OXR1: variants seen among roughly 807,000 people sequenced by gnomAD.
OXR1 encodes the protein oxidation resistance 1, also known as oxidation resistance protein 1.
OXR1 carries 41 observed loss-of-function variants against 104.6 expected under a neutral mutation model. That is an observed-to-expected ratio of 0.39 (90% confidence interval 0.31 to 0.51). The LOEUF is 0.51. OXR1 is among the 20% of genes least tolerant of loss of function. The probability of loss-of-function intolerance (pLI) is 0.77; values close to 1 mark genes in which losing one functional copy is unlikely to be tolerated. For synonymous variants in OXR1, 348 were observed against 348.4 expected, an observed-to-expected ratio of 1.00 and a Z score of 0.01; for missense variants, 955 against 1,031.9, an observed-to-expected ratio of 0.93 and a Z score of 1.02.
intron 1 of OXR1, among the ~76,000 whole-genome samples, chr8:106,310,264 C>A (rs1481486093): frequency 1.4e-5 from 2 of 145,538 alleles, no homozygotes; most frequent in African/African-American, 5.0e-5. Flanking sequence ...TTCCTAAGCT[C>A]TCTATCAGAA....
chr8:106,442,363 G>A (rs1320880828), intron 2 of OXR1, among the ~76,000 whole-genome samples: 1 of 152,136 alleles, frequency 6.6e-6, no homozygotes, highest in Non-Finnish European at 1.5e-5. Context: ...CAGGGATAAT[G>A]GCCTGAAGTT....
intron 2 of OXR1, among the ~76,000 whole-genome samples, chr8:106,453,945 A>G (rs974044350): frequency 6.6e-6 from 1 of 152,248 alleles, no homozygotes; most frequent in African/African-American, 2.4e-5. Flanking sequence ...AAACTAAGGC[A>G]CAAAGCATTC....
intron 2 of OXR1, among the ~76,000 whole-genome samples, chr8:106,475,330 A>G (rs1206169643): frequency 6.6e-6 from 1 of 152,012 alleles, no homozygotes; most frequent in Non-Finnish European, 1.5e-5. Context: ...TATCTAAAAA[A>G]GAGAAAATAT....
At chr8:106,638,195 C>A (rs1227806106) in intron 3 of OXR1, among the ~76,000 whole-genome samples, 1 of 152,180 alleles carries the variant, frequency 6.6e-6, no homozygotes, top group African/African-American at 2.4e-5. Flanking sequence ...TTCTTTCTAA[C>A]ATTTTCTTTT....
intron 1 of OXR1, among the ~76,000 whole-genome samples, chr8:106,302,618 TATGACC>T (rs1316682844): frequency 1.3e-5 from 2 of 151,518 alleles, no homozygotes; most frequent in African/African-American, 4.9e-5. Context: ...GTTTAGACAT[TATGACC>T]TAGGTATAAT....
intron 2 of OXR1, among the ~76,000 whole-genome samples, chr8:106,418,831 A>G (rs1221987183): frequency 6.6e-6 from 1 of 152,146 alleles, no homozygotes; most frequent in Non-Finnish European, 1.5e-5. Context: ...TGACTATAAG[A>G]AAAGTCACCA....
At position 106,439,905 on chromosome 8, in the gene OXR1, G is replaced by A. The variant is rs191727549; in HGVS notation, c.24-79038G>A. Among the ~76,000 whole-genome samples, 114 of 152,224 alleles carry A rather than the reference G, an allele frequency of 7.5e-4. 1 individual carries two copies. The highest frequency in any genetic ancestry group is 3.4e-3 in the Middle Eastern group (1 of 294). ...TAGGTTCTGCATTTAAAGCTCTTAT[G>A]TGAATAAAATCCTTGAGAATTTGTG... On this transcript the variant is annotated intron_variant, in intron 2 of 16. Coordinates refer to ENST00000517566, the MANE Select transcript of OXR1 (RefSeq NM_001198533.2).
At chr8:106,379,254 T>A (rs1817032647) in intron 2 of OXR1, among the ~76,000 whole-genome samples, 1 of 152,190 alleles carries the variant, frequency 6.6e-6, no homozygotes, top group Non-Finnish European at 1.5e-5. Context: ...TAAGAGCAGA[T>A]GGTATAAAAT....
At chr8:106,502,342 A>T (rs1042505510) in intron 2 of OXR1, among the ~76,000 whole-genome samples, 3 of 152,336 alleles carry the variant, frequency 2.0e-5, no homozygotes, top group African/African-American at 7.2e-5. Context: ...CACTCTATGA[A>T]AATCTGTTCG....
At chr8:106,658,162 C>A in intron 3 of OXR1, 1 of 1,244,304 alleles carries the variant, frequency 8.0e-7, no homozygotes, top group Non-Finnish European at 1.0e-6. Context: ...CGGCCCCCGG[C>A]GCCGTCCAGC....
At chr8:106,313,298 A>C (rs1041761996) in intron 1 of OXR1, among the ~76,000 whole-genome samples, 1 of 152,196 alleles carries the variant, frequency 6.6e-6, no homozygotes, top group Non-Finnish European at 1.5e-5. Flanking sequence ...GATTTTAAAA[A>C]TTCTCTAAAT....
intron 2 of OXR1, among the ~76,000 whole-genome samples, chr8:106,436,775 T>G (rs1297381046): frequency 6.6e-6 from 1 of 152,070 alleles, no homozygotes; most frequent in African/African-American, 2.4e-5. Flanking sequence ...CAGGCTCACA[T>G]CCTCTCTGGT....
chr8:106,469,053 A>G lies in OXR1; in HGVS notation c.24-49890A>G, dbSNP rs150329316. On this transcript the variant is annotated intron_variant, in intron 2 of 16. Transcript: ENST00000517566. Reference sequence around the variant, plus strand: ...TTGTTGTTGTGTGTGTGTGTAGTATATGTATAGCTATCTTCTAATAATTAC... The same window carrying G: ...TTGTTGTTGTGTGTGTGTGTAGTATGTGTATAGCTATCTTCTAATAATTAC... Among the ~76,000 whole-genome samples the G allele has an allele frequency of 2.6e-5, 4 of 151,710 alleles. No individual in the cohort carries two copies. The East Asian group carries it at 5.8e-4, about 22-fold the overall frequency.
intron 1 of OXR1, among the ~76,000 whole-genome samples, chr8:106,292,772 A>G (rs970509617): frequency 2.0e-5 from 3 of 152,224 alleles, no homozygotes; most frequent in Admixed American, 6.6e-5. Flanking sequence ...AGGCACCAGG[A>G]AAGGGAACTG....
At chr8:106,697,579 G>A in intron 7 of OXR1, 2 of 1,610,928 alleles carry the variant, frequency 1.2e-6, no homozygotes. Flanking sequence ...GGGATCCCCA[G>A]AGAAGAGCCC....
At chr8:106,599,006 A>T (rs999769814) in intron 3 of OXR1, among the ~76,000 whole-genome samples, 1 of 152,218 alleles carries the variant, frequency 6.6e-6, no homozygotes, top group Admixed American at 6.5e-5. Context: ...AAATTATTTT[A>T]AAAATTAGCT....
chr8:106,467,037 G>C (rs1821208423), intron 2 of OXR1, among the ~76,000 whole-genome samples: 1 of 151,792 alleles, frequency 6.6e-6, no homozygotes, highest in South Asian at 2.1e-4. Context: ...TTTAGTTAAA[G>C]AAAGTTGCTG....
chr8:106,358,848 G>T (rs1291769252), intron 1 of OXR1, among the ~76,000 whole-genome samples: 1 of 149,128 alleles, frequency 6.7e-6, no homozygotes, highest in Non-Finnish European at 1.5e-5. Context: ...ATAATTTAGT[G>T]AATAATTTAA....
intron 3 of OXR1, among the ~76,000 whole-genome samples, chr8:106,616,789 G>C (rs1821277290): frequency 6.6e-6 from 1 of 152,134 alleles, no homozygotes; most frequent in Non-Finnish European, 1.5e-5. Flanking sequence ...CTCTGCACGT[G>C]GTTTTTGACA....
Sources: allele counts gnomAD v4.1 joint callset (sites outside exome capture counted in the v4.1 genomes callset), GRCh38; gene constraint gnomAD v4.1.1; transcripts MANE v1.5; gene names NCBI Gene and HGNC (gene_info 2026-07-23, HGNC 2026-07-21).